The following ROR1 variants were observed in gnomAD, a reference collection of about 807,000 sequenced individuals.
ROR1 encodes the protein inactive tyrosine-protein kinase transmembrane receptor ROR1.
Under a neutral mutation model 78.8 loss-of-function variants are expected in ROR1, and 19 were observed. The observed-to-expected ratio is 0.24, with a 90% CI of 0.17 to 0.35. ROR1 has a LOEUF of 0.35. Ranked by LOEUF, ROR1 falls within the 10% of genes least tolerant of loss-of-function variation. The probability of loss-of-function intolerance (pLI) is 1.00; values close to 1 mark genes in which losing one functional copy is unlikely to be tolerated. For synonymous variants in ROR1, 386 were observed against 433.6 expected (o/e 0.89, Z 1.36); for missense variants, 917 against 1,177.8 (o/e 0.78, Z 3.24).
intron 4 of ROR1, chr1:64,108,418 A>T (rs1351448115): frequency 6.9e-6 from 1 of 145,380 alleles, no homozygotes; most frequent in African/African-American, 2.8e-5. Flanking sequence ...AAAAAAAAAA[A>T]AAAAAAAAAA....
chr1:63,781,694 A>T (rs1411005535), intron 1 of ROR1, among the ~76,000 whole-genome samples: 1 of 152,226 alleles, frequency 6.6e-6, no homozygotes, highest in Non-Finnish European at 1.5e-5. Context: ...AATTCATGGA[A>T]CACACTCAGA....
chr1:64,174,288 A>G (rs968377775), intron 8 of ROR1, among the ~76,000 whole-genome samples: 1 of 152,238 alleles, frequency 6.6e-6, no homozygotes, highest in South Asian at 2.1e-4. Context: ...GATTAATATT[A>G]TAAGACCTAT....
At chr1:64,115,600 GTA>G (rs757803368) in intron 4 of ROR1, among the ~76,000 whole-genome samples, 6 of 143,252 alleles carry the variant, frequency 4.2e-5, no homozygotes, top group South Asian at 2.2e-4. Flanking sequence ...ATAAGATAAA[GTA>G]TATATATGTG....
At chr1:63,875,226 T>A (rs1445481294) in intron 1 of ROR1, among the ~76,000 whole-genome samples, 2 of 152,188 alleles carry the variant, frequency 1.3e-5, no homozygotes, top group Admixed American at 1.3e-4. Context: ...AGTAAATAAA[T>A]TAGTTTGTGC....
intron 1 of ROR1, among the ~76,000 whole-genome samples, chr1:63,879,507 C>A (rs572599960): frequency 4.6e-5 from 7 of 151,486 alleles, no homozygotes; most frequent in African/African-American, 1.7e-4. Context: ...GCAGCATTTT[C>A]CTGTGTGTAT....
At chr1:64,142,308 A>G (rs892365679) in intron 6 of ROR1, 97 bp from the exon 7 acceptor site, 12 of 1,526,736 alleles carry the variant, frequency 7.9e-6, no homozygotes, top group Admixed American at 2.0e-5. Flanking sequence ...CACGAGGTTA[A>G]TTACCTGCCC....
At position 64,125,827 on chromosome 1, in the gene ROR1, CAT is replaced by C. The variant is rs554241102; in HGVS notation, c.483-11540_483-11539del. Among the ~76,000 whole-genome samples, 58 of 152,266 alleles carry C rather than the reference CAT, an allele frequency of 3.8e-4. 1 individual carries two copies. In the Middle Eastern group the frequency reaches 0.014, roughly 36 times the overall value. On this transcript the variant is annotated intron_variant, in intron 4 of 8. Transcript: ENST00000371079. ...GGTCTGTGTAGCCATAGCAGAGAAACATAGAGTGCGCTTTTATAAACATTTAT... is the reference window on the plus strand; with the variant it reads ...GGTCTGTGTAGCCATAGCAGAGAAACAGAGTGCGCTTTTATAAACATTTAT...
At chr1:63,786,852 C>T (rs951622343) in intron 1 of ROR1, among the ~76,000 whole-genome samples, 15 of 152,030 alleles carry the variant, frequency 9.9e-5, no homozygotes, top group African/African-American at 3.4e-4. Context: ...CCGAGGGAGA[C>T]GTCCTGTGTA....
chr1:63,792,173 C>T (rs757641048), intron 1 of ROR1, among the ~76,000 whole-genome samples: 17 of 151,970 alleles, frequency 1.1e-4, no homozygotes, highest in Non-Finnish European at 2.4e-4. Flanking sequence ...AAGGGTGACC[C>T]CTGAGACTGT....
In ROR1 at chr1:64,159,684, G is replaced by A. The variant is rs548361111; in HGVS notation, c.1386+492G>A. On this transcript the variant is annotated intron_variant, in intron 8 of 8. Coordinates refer to ENST00000371079, the MANE Select transcript of ROR1 (RefSeq NM_005012.4). Reference sequence around the variant, plus strand: ...AAATTTTGTTGTGTTTTTTTACCACGATTTAAAAAAAATCCTTTGTATGCC... The same window carrying A: ...AAATTTTGTTGTGTTTTTTTACCACAATTTAAAAAAAATCCTTTGTATGCC... Among the ~76,000 whole-genome samples the A allele has an allele frequency of 1.1e-3, 152 of 133,420 alleles. 1 individual carries two copies. Among genetic ancestry groups the A allele is most frequent in the East Asian group, 2.3e-4 (1 of 4,268 alleles). The allele number at this position is 133,420 out of a possible 152,430, so 87.5% of individuals were successfully genotyped here. A position where few individuals can be genotyped will look rare whatever the true frequency, so the allele number is the denominator to read the frequency against.
chr1:64,169,551 T>C (rs1650180798), intron 8 of ROR1, among the ~76,000 whole-genome samples: 1 of 152,120 alleles, frequency 6.6e-6, no homozygotes. Flanking sequence ...GAGATTTGGG[T>C]GGGGACACTG....
chr1:64,048,513 G>A (rs957627196), intron 2 of ROR1, among the ~76,000 whole-genome samples: 1 of 152,164 alleles, frequency 6.6e-6, no homozygotes, highest in Non-Finnish European at 1.5e-5. Flanking sequence ...CAATGAGAAA[G>A]TATGGCAGGG....
chr1:63,968,982 A>G (rs150355757), intron 1 of ROR1, among the ~76,000 whole-genome samples: 2 of 152,332 alleles, frequency 1.3e-5, no homozygotes, highest in East Asian at 3.9e-4. Context: ...TTGGAATGCT[A>G]TTAATGCAGC....
chr1:64,047,232 T>C (rs574706459), intron 2 of ROR1, among the ~76,000 whole-genome samples: 3 of 152,346 alleles, frequency 2.0e-5, no homozygotes, highest in Admixed American at 2.0e-4. Context: ...CATTTTGTCA[T>C]GTGAAAAGTG....
chr1:64,171,751 C>G (rs1266836984), intron 8 of ROR1, among the ~76,000 whole-genome samples: 2 of 152,156 alleles, frequency 1.3e-5, no homozygotes, highest in Non-Finnish European at 2.9e-5. Flanking sequence ...ATTCCCTGCA[C>G]CCTAATGTAG....
intron 1 of ROR1, among the ~76,000 whole-genome samples, chr1:63,787,907 A>G (rs1248765951): frequency 6.6e-6 from 1 of 152,224 alleles, no homozygotes; most frequent in Non-Finnish European, 1.5e-5. Flanking sequence ...GGAACTAATC[A>G]TAGTCTTTCC....
intron 1 of ROR1, among the ~76,000 whole-genome samples, chr1:63,986,285 GTCAATAAACACTTAT>G (rs561267267): frequency 5.9e-5 from 9 of 152,242 alleles, no homozygotes; most frequent in African/African-American, 1.9e-4. Context: ...TGTTCCTATA[GTCAATAAACACTTAT>G]TCAATACAAA....
chr1:63,885,903 T>C (rs1007343166), intron 1 of ROR1, among the ~76,000 whole-genome samples: 3 of 152,198 alleles, frequency 2.0e-5, no homozygotes, highest in African/African-American at 7.2e-5. Context: ...ACATTACGTT[T>C]ATTTTGCACT....
chr1:64,011,451 G>T (rs1447302477), intron 2 of ROR1, among the ~76,000 whole-genome samples: 1 of 152,194 alleles, frequency 6.6e-6, no homozygotes, highest in African/African-American at 2.4e-5. Flanking sequence ...CACACTGCAT[G>T]TTATTGATCA....
Sources: allele counts gnomAD v4.1 joint callset (sites outside exome capture counted in the v4.1 genomes callset), GRCh38; gene constraint gnomAD v4.1.1; transcripts MANE v1.5; gene names NCBI Gene and HGNC (gene_info 2026-07-23, HGNC 2026-07-21).